FSTL4: variants seen among roughly 807,000 people sequenced by gnomAD.
FSTL4 encodes follistatin-related protein 4.
FSTL4 carries 28 observed loss-of-function variants against 78.2 expected under a neutral mutation model. That is an observed-to-expected ratio of 0.36 (90% confidence interval 0.27 to 0.49). FSTL4 has a LOEUF of 0.49. Ranked by LOEUF, FSTL4 falls within the 20% of genes least tolerant of loss-of-function variation. FSTL4 has a pLI of 0.98. For synonymous variants in FSTL4, 422 were observed against 440.5 expected (o/e 0.96, Z 0.53); for missense variants, 922 against 1,084.9 (o/e 0.85, Z 2.11).
intron 3 of FSTL4, among the ~76,000 whole-genome samples, chr5:133,468,175 T>TGGGGGAGGCAGGCA (rs751168907): frequency 2.1e-3 from 323 of 152,244 alleles, no homozygotes; most frequent in Middle Eastern, 0.01. Context: ...TGGGGAAGGC[T>TGGGGGAGGCAGGCA]GGGGGAGGCA....
chr5:133,617,235 G>T (rs1287829297), upstream of FSTL4, among the ~76,000 whole-genome samples: 1 of 145,776 alleles, frequency 6.9e-6, no homozygotes, highest in African/African-American at 2.5e-5. Context: ...GGAGGCAGAG[G>T]TTGCAGTGAG....
the FSTL4 span, among the ~76,000 whole-genome samples, chr5:133,802,448 C>T: frequency 3.1e-3 from 469 of 152,276 alleles, 1 homozygote; most frequent in Middle Eastern, 0.01. Flanking sequence ...ATGGCAAATA[C>T]AACATCACTG....
intron 3 of FSTL4, among the ~76,000 whole-genome samples, chr5:133,552,948 A>G (rs1447561009): frequency 6.6e-6 from 1 of 152,236 alleles, no homozygotes; most frequent in Non-Finnish European, 1.5e-5. Context: ...ACACTTGCAC[A>G]TGGTAGAAGA....
chr5:133,366,429 G>T (rs551999875), intron 4 of FSTL4, among the ~76,000 whole-genome samples: 3 of 152,152 alleles, frequency 2.0e-5, no homozygotes, highest in Non-Finnish European at 4.4e-5. Flanking sequence ...CAAGGATACC[G>T]TCTGACATGG....
In FSTL4 at chr5:133,480,803, T is replaced by C. The variant is rs76697419; in HGVS notation, c.161-79817A>G. Among the ~76,000 whole-genome samples, 35 of 152,282 alleles carry C rather than the reference T, an allele frequency of 2.3e-4. No individual in the cohort carries two copies. The East Asian group carries it at 6.8e-3, about 29-fold the overall frequency. ...TCTTCATGATCCTGAAGAAATGCTT[T>C]AGTGGATGATAGTTCTTCTGTTTCT... On this transcript the variant is annotated intron_variant, in intron 3 of 15. Coordinates refer to ENST00000265342, the MANE Select transcript of FSTL4 (RefSeq NM_015082.2).
chr5:133,615,822 A>G (rs1240267951), upstream of FSTL4, among the ~76,000 whole-genome samples: 10 of 152,198 alleles, frequency 6.6e-5, no homozygotes, highest in Admixed American at 6.5e-4. Context: ...TCAAGGGACA[A>G]CTGTGATTGG....
chr5:133,336,265 G>A (rs1754460349), intron 4 of FSTL4, among the ~76,000 whole-genome samples: 1 of 152,212 alleles, frequency 6.6e-6, no homozygotes. Context: ...AGCACAGCCA[G>A]CCCTGAACAG....
intron 3 of FSTL4, among the ~76,000 whole-genome samples, chr5:133,450,836 G>T (rs1400524650): frequency 1.3e-5 from 2 of 152,172 alleles, no homozygotes; most frequent in African/African-American, 4.8e-5. Flanking sequence ...ACAGAGGAGG[G>T]GAGATCAGGG....
At chr5:133,610,895 T>C (rs554218313) in intron 1 of FSTL4, among the ~76,000 whole-genome samples, 1 of 152,100 alleles carries the variant, frequency 6.6e-6, no homozygotes, top group African/African-American at 2.4e-5. Flanking sequence ...CCATTCCCGG[T>C]GAACATTTTG....
At chr5:133,832,163 G>A in the FSTL4 span, among the ~76,000 whole-genome samples, 8 of 152,342 alleles carry the variant, frequency 5.3e-5, no homozygotes, top group East Asian at 3.9e-4. Context: ...TCAGCCTTGC[G>A]ATTTCGCCTC....
At chr5:133,466,285 G>A (rs1467108480) in intron 3 of FSTL4, among the ~76,000 whole-genome samples, 1 of 152,226 alleles carries the variant, frequency 6.6e-6, no homozygotes, top group African/African-American at 2.4e-5. Flanking sequence ...GCTCAAGCCT[G>A]TAATCCCAGC....
intron 6 of FSTL4, among the ~76,000 whole-genome samples, chr5:133,285,970 G>A (rs932292752): frequency 6.6e-6 from 1 of 152,242 alleles, no homozygotes; most frequent in Non-Finnish European, 1.5e-5. Context: ...CCACCTGCCA[G>A]GGCACCAATA....
chr5:133,369,867 T>TC (rs1755254950), intron 4 of FSTL4, among the ~76,000 whole-genome samples: 1 of 152,262 alleles, frequency 6.6e-6, no homozygotes, highest in Admixed American at 6.5e-5. Flanking sequence ...AGCTGAGGAA[T>TC]CCCTGGTGGC....
At chr5:133,711,350 T>C in the FSTL4 span, among the ~76,000 whole-genome samples, 1 of 152,140 alleles carries the variant, frequency 6.6e-6, no homozygotes, top group Non-Finnish European at 1.5e-5. Flanking sequence ...ACAGCCTGAC[T>C]CAGGAGCCTG....
intron 3 of FSTL4, among the ~76,000 whole-genome samples, chr5:133,557,921 T>C (rs1361739507): frequency 1.3e-5 from 2 of 152,218 alleles, no homozygotes; most frequent in East Asian, 3.8e-4. Flanking sequence ...GACCCTCTGC[T>C]GAGACAGCCA....
chr5:133,233,191 C>T (rs968795062), intron 8 of FSTL4, among the ~76,000 whole-genome samples: 5 of 152,242 alleles, frequency 3.3e-5, no homozygotes, highest in African/African-American at 1.2e-4. Flanking sequence ...CGCCATGGCA[C>T]TTGGATTTGT....
intron 3 of FSTL4, among the ~76,000 whole-genome samples, chr5:133,526,157 T>C (rs558690852): frequency 6.6e-6 from 1 of 152,330 alleles, no homozygotes; most frequent in East Asian, 1.9e-4. Context: ...CACACAGTTA[T>C]TGGACATACT....
the FSTL4 span, among the ~76,000 whole-genome samples, chr5:133,730,527 C>A: frequency 6.6e-6 from 1 of 152,144 alleles, no homozygotes; most frequent in Non-Finnish European, 1.5e-5. Context: ...CAGCCCAAAT[C>A]ACTCCTGATT....
the FSTL4 span, among the ~76,000 whole-genome samples, chr5:133,796,706 C>T: frequency 3.9e-5 from 6 of 151,994 alleles, no homozygotes; most frequent in Non-Finnish European, 8.8e-5. Context: ...TCCTCACCTA[C>T]TCTGGAGCCT....
Sources: allele counts gnomAD v4.1 joint callset (sites outside exome capture counted in the v4.1 genomes callset), GRCh38; gene constraint gnomAD v4.1.1; transcripts MANE v1.5; gene names NCBI Gene and HGNC (gene_info 2026-07-23, HGNC 2026-07-21).